Variants in ARMC10 observed in about 807,000 individuals in gnomAD.
ARMC10 encodes the protein armadillo repeat-containing protein 10.
A neutral mutation model predicts 30.2 loss-of-function variants in ARMC10; 23 were observed. That is an observed-to-expected ratio of 0.76 (90% confidence interval 0.55 to 1.08). The LOEUF (loss-of-function observed/expected upper bound fraction) is 1.08, where lower values mean the gene tolerates loss of function less well. Ranked by LOEUF, ARMC10 falls within the 50% of genes least tolerant of loss-of-function variation. The probability of loss-of-function intolerance (pLI) is 0.00; values close to 1 mark genes in which losing one functional copy is unlikely to be tolerated. For synonymous variants in ARMC10, 111 were observed against 164.4 expected, an observed-to-expected ratio of 0.68 and a Z score of 2.48; for missense variants, 303 against 413.7, an observed-to-expected ratio of 0.73 and a Z score of 2.32.
At chr7:103,081,967 C>A (rs1407951718) in intron 2 of ARMC10, 1 of 456,172 alleles carries the variant, frequency 2.2e-6, no homozygotes, top group Non-Finnish European at 4.4e-6. Context: ...TACTAACTAC[C>A]CCTGTGACTT....
At chr7:103,080,246 A>C (rs751167636) in intron 2 of ARMC10, among the ~76,000 whole-genome samples, 1 of 152,158 alleles carries the variant, frequency 6.6e-6, no homozygotes, top group Non-Finnish European at 1.5e-5. Flanking sequence ...AAAGTTATAC[A>C]TGGTTTTTGT....
At chr7:103,098,087 C>T (rs900745151) in intron 6 of ARMC10, among the ~76,000 whole-genome samples, 2 of 152,066 alleles carry the variant, frequency 1.3e-5, no homozygotes, top group Non-Finnish European at 2.9e-5. Flanking sequence ...ATTAGTATTA[C>T]AGCGTGGGGG....
chr7:103,078,345 A>G (rs536898687), intron 2 of ARMC10, among the ~76,000 whole-genome samples: 21 of 152,318 alleles, frequency 1.4e-4, no homozygotes, highest in Non-Finnish European at 2.6e-4. Flanking sequence ...TAATTGAATC[A>G]CGGGGGCAGT....
intron 3 of ARMC10, among the ~76,000 whole-genome samples, chr7:103,084,417 A>C (rs1479751801): frequency 1.3e-5 from 2 of 152,230 alleles, no homozygotes; most frequent in Admixed American, 6.5e-5. Context: ...CATAAGTACA[A>C]AATTATTTTG....
In ARMC10 at chr7:103,075,393, C is replaced by A; in HGVS notation, c.121C>A (p.Arg41Ser). The part of the protein sequence containing the change: ...RRRGDRELGI[R>S]SSKSAGALEE... ...GCGGGGCGACCGCGAGCTCGGGATA[C>A]GCTCTTCGAAGTCCGCAGGTGGGAC... The change falls in exon 1 of 7, where the codon CGC (arginine) becomes AGC (serine). Residue 41 changes from arginine (R) to serine (S), a missense_variant. This residue lies in a region of ARMC10 where 96 missense variants were observed against 84.2 expected (regional missense o/e 1.14). Transcript: ENST00000323716. The A allele has an allele frequency of 7.8e-7, 1 of 1,290,242 alleles. No homozygotes were observed. The highest frequency in any genetic ancestry group is 9.8e-7 in the Non-Finnish European group (1 of 1,016,134). The allele number at this position is 1,290,242 out of a possible 1,614,324, so 79.9% of individuals were successfully genotyped here. A position where few individuals can be genotyped will look rare whatever the true frequency, so the allele number is the denominator to read the frequency against.
At chr7:103,085,503 C>T (rs186348093) in intron 3 of ARMC10, among the ~76,000 whole-genome samples, 18 of 151,776 alleles carry the variant, frequency 1.2e-4, no homozygotes, top group African/African-American at 3.9e-4. Context: ...CGATTTAATT[C>T]TTTCAATGTT....
At chr7:103,095,414 G>T (rs1010532609) in intron 5 of ARMC10, among the ~76,000 whole-genome samples, 3 of 152,150 alleles carry the variant, frequency 2.0e-5, no homozygotes, top group African/African-American at 7.2e-5. Context: ...ACACTTAATC[G>T]TGATCATTTC....
At chr7:103,092,128 C>T (rs1472688309) in intron 4 of ARMC10, among the ~76,000 whole-genome samples, 2 of 152,002 alleles carry the variant, frequency 1.3e-5, no homozygotes, top group East Asian at 3.9e-4. Context: ...GTCAGGAGAT[C>T]GAGACCATCG....
At chr7:103,095,471 A>G (rs193237122) in intron 5 of ARMC10, among the ~76,000 whole-genome samples, 83 of 152,184 alleles carry the variant, frequency 5.5e-4, no homozygotes, top group African/African-American at 1.9e-3. Flanking sequence ...GTGGTTTTCT[A>G]TTTTTTTGAA....
intron 5 of ARMC10, 148 bp from the exon 6 acceptor site, chr7:103,097,129 A>G: frequency 1.5e-6 from 1 of 676,514 alleles, no homozygotes; most frequent in South Asian, 1.7e-5. Context: ...GAATGAACGG[A>G]GAAGGTTTCC....
chr7:103,076,604 A>G (rs1035475907), intron 2 of ARMC10, among the ~76,000 whole-genome samples: 2 of 152,228 alleles, frequency 1.3e-5, no homozygotes, highest in Admixed American at 6.5e-5. Flanking sequence ...TGGGAGGCCA[A>G]GGCAGGCGGA....
intron 4 of ARMC10, 27 bp downstream of exon 4, chr7:103,086,791 A>G (rs1250383784): frequency 2.5e-6 from 4 of 1,589,934 alleles, no homozygotes; most frequent in East Asian, 2.2e-5. Context: ...TCACAAATGT[A>G]TAAGGTTTTC....
At chr7:103,078,277 T>G (rs1800072657) in intron 2 of ARMC10, among the ~76,000 whole-genome samples, 1 of 152,142 alleles carries the variant, frequency 6.6e-6, no homozygotes, top group Non-Finnish European at 1.5e-5. Flanking sequence ...CCGGCCCAAA[T>G]GTTATCTTGA....
chr7:103,075,228 G>T lies in ARMC10; in HGVS notation c.-45G>T. 5 of 1,146,876 alleles carry T rather than the reference G, an allele frequency of 4.4e-6. No homozygotes were observed. The highest frequency in any genetic ancestry group is 5.4e-6 in the Non-Finnish European group (5 of 933,754). The allele number at this position is 1,146,876 out of a possible 1,614,324, so 71.0% of individuals were successfully genotyped here. ...GAGACCTCCGCGCTGGCCCCCGCGAGCCTCCTGCCCTGGCCCGGCGCTGCG... is the reference window on the plus strand; with the variant it reads ...GAGACCTCCGCGCTGGCCCCCGCGATCCTCCTGCCCTGGCCCGGCGCTGCG... On this transcript the variant is annotated 5_prime_UTR_variant, in exon 1 of 7. Transcript: ENST00000323716.
chr7:103,098,058 G>A (rs1364617102), intron 6 of ARMC10, among the ~76,000 whole-genome samples: 1 of 152,082 alleles, frequency 6.6e-6, no homozygotes, highest in Non-Finnish European at 1.5e-5. Flanking sequence ...TTTTCCAGCT[G>A]AAACACTCCC....
chr7:103,098,133 T>C (rs1801924802), intron 6 of ARMC10, among the ~76,000 whole-genome samples, 166 bp from the exon 7 acceptor site: 1 of 152,156 alleles, frequency 6.6e-6, no homozygotes, highest in Admixed American at 6.5e-5. Context: ...TATGAAATTT[T>C]GGGTTTTCTG....
intron 3 of ARMC10, among the ~76,000 whole-genome samples, chr7:103,086,356 G>A (rs760801721): frequency 4.6e-5 from 7 of 152,038 alleles, no homozygotes; most frequent in African/African-American, 1.7e-4. Context: ...CTTCAAGATC[G>A]TTATAGTATC....
chr7:103,077,258 G>C (rs185726039), intron 2 of ARMC10, among the ~76,000 whole-genome samples: 1 of 151,124 alleles, frequency 6.6e-6, no homozygotes, highest in Non-Finnish European at 1.5e-5. Context: ...GGAAGGGGAA[G>C]GTCTCTCTCA....
chr7:103,078,790 G>T (rs148932602), intron 2 of ARMC10, among the ~76,000 whole-genome samples: 2 of 151,912 alleles, frequency 1.3e-5, no homozygotes, highest in African/African-American at 4.8e-5. Context: ...TGGAAGAATC[G>T]CTTGAGCCCA....
Sources: gnomAD v4.1 joint callset for allele counts (sites outside exome capture counted in the v4.1 genomes callset) on GRCh38, gnomAD v4.1.1 for gene constraint, gnomAD v4.1.1 regional missense constraint, MANE v1.5 for transcripts, NCBI Gene and HGNC (gene_info 2026-07-23, HGNC 2026-07-21) for gene names.